The following TENM3 variants were observed in gnomAD, a reference collection of about 807,000 sequenced individuals.
TENM3 encodes teneurin-3.
In TENM3, 63 loss-of-function variants were observed where a neutral mutation model predicts 255.1. The observed-to-expected ratio is 0.25, with a 90% confidence interval of 0.20 to 0.30. The LOEUF (loss-of-function observed/expected upper bound fraction) is 0.30, where lower values mean the gene tolerates loss of function less well. TENM3 is among the 10% of genes least tolerant of loss of function. TENM3 has a pLI of 1.00. For synonymous variants in TENM3, 1,306 were observed against 1,322.3 expected, an observed-to-expected ratio of 0.99 and a Z score of 0.27; for missense variants, 2,929 against 3,461.1, an observed-to-expected ratio of 0.85 and a Z score of 3.86.
chr4:182,174,389 C>CA (rs34627421), intron 1 of TENM3, among the ~76,000 whole-genome samples: 7,020 of 110,352 alleles, frequency 0.064, 213 homozygotes, highest in Non-Finnish European at 0.084. Context: ...TATGTGGCTG[C>CA]AAAAAAAAAA....
At chr4:181,627,323 AGT>A in the TENM3 span, among the ~76,000 whole-genome samples, 4 of 152,128 alleles carry the variant, frequency 2.6e-5, no homozygotes, top group Admixed American at 6.6e-5. Flanking sequence ...AAGGGAAGTA[AGT>A]GTGCACACAT....
chr4:181,569,430 A>C, the TENM3 span, among the ~76,000 whole-genome samples: 1 of 152,200 alleles, frequency 6.6e-6, no homozygotes, highest in Admixed American at 6.5e-5. Flanking sequence ...TTTTATTTCC[A>C]TAAGTGGATA....
chr4:182,750,521 A>T (rs1762295494), intron 19 of TENM3, among the ~76,000 whole-genome samples: 1 of 152,248 alleles, frequency 6.6e-6, no homozygotes, highest in African/African-American at 2.4e-5. Flanking sequence ...ACAGCTATTC[A>T]GCACTTAGAC....
At chr4:182,409,730 C>A (rs962704011) in intron 3 of TENM3, among the ~76,000 whole-genome samples, 4 of 152,144 alleles carry the variant, frequency 2.6e-5, no homozygotes, top group Non-Finnish European at 5.9e-5. Context: ...TTATGATCTG[C>A]AATTAATAGA....
intron 1 of TENM3, among the ~76,000 whole-genome samples, chr4:182,153,396 CAA>C (rs1435914236): frequency 6.6e-6 from 1 of 151,980 alleles, no homozygotes; most frequent in Non-Finnish European, 1.5e-5. Flanking sequence ...ATTTGCAAAA[CAA>C]GTGTCAGGTT....
At chr4:182,539,916 T>C (rs1246953653) in intron 3 of TENM3, among the ~76,000 whole-genome samples, 1 of 152,218 alleles carries the variant, frequency 6.6e-6, no homozygotes, top group Non-Finnish European at 1.5e-5. Context: ...AGAAGCTGAC[T>C]GTAGAGTGTG....
intron 3 of TENM3, among the ~76,000 whole-genome samples, chr4:182,486,491 A>G (rs779000258): frequency 1.6e-4 from 24 of 152,176 alleles, no homozygotes; most frequent in Non-Finnish European, 2.8e-4. Context: ...ATAGCTGCCA[A>G]TCACTGACAC....
intron 1 of TENM3, among the ~76,000 whole-genome samples, chr4:182,284,005 A>G (rs971602810): frequency 3.3e-5 from 5 of 152,226 alleles, no homozygotes; most frequent in Non-Finnish European, 5.9e-5. Flanking sequence ...ACTTTGTGGT[A>G]TAATTTTTCT....
chr4:182,098,292 A>C, the TENM3 span, among the ~76,000 whole-genome samples: 1 of 152,188 alleles, frequency 6.6e-6, no homozygotes, highest in South Asian at 2.1e-4. Flanking sequence ...TCAAAAATCT[A>C]AACATAGAAT....
chr4:181,553,649 G>T, the TENM3 span, among the ~76,000 whole-genome samples: 385 of 152,112 alleles, frequency 2.5e-3, 5 homozygotes, highest in African/African-American at 8.5e-3. Flanking sequence ...CACCGTGTTA[G>T]CCAGGATGGT....
At chr4:181,507,281 A>T in the TENM3 span, among the ~76,000 whole-genome samples, 1 of 152,216 alleles carries the variant, frequency 6.6e-6, no homozygotes, top group South Asian at 2.1e-4. Flanking sequence ...CAATTCTCAA[A>T]AAGCCTTCAG....
the TENM3 span, among the ~76,000 whole-genome samples, chr4:181,620,405 G>A: frequency 3.9e-5 from 6 of 152,092 alleles, no homozygotes; most frequent in African/African-American, 4.8e-5. Flanking sequence ...GAACTGGCAC[G>A]CACAAAAGGT....
chr4:182,563,278 A>G (rs1434214669), intron 3 of TENM3, among the ~76,000 whole-genome samples: 5 of 152,052 alleles, frequency 3.3e-5, no homozygotes, highest in Non-Finnish European at 7.4e-5. Context: ...AAAAATACAA[A>G]AATTAGCCAG....
chr4:181,783,033 A>C, the TENM3 span, among the ~76,000 whole-genome samples: 1 of 152,160 alleles, frequency 6.6e-6, no homozygotes, highest in Non-Finnish European at 1.5e-5. Flanking sequence ...GGAGTGCTTT[A>C]CTTCCACCTA....
intron 23 of TENM3, 157 bp downstream of exon 23, chr4:182,773,804 T>C: frequency 1.7e-6 from 1 of 577,938 alleles, no homozygotes; most frequent in Non-Finnish European, 2.9e-6. Context: ...AATATTTATT[T>C]ACTTGTATAG....
At chr4:182,692,141 G>A (rs1757054999) in intron 12 of TENM3, among the ~76,000 whole-genome samples, 1 of 152,224 alleles carries the variant, frequency 6.6e-6, no homozygotes, top group African/African-American at 2.4e-5. Flanking sequence ...TCATCTGAGA[G>A]TTGAGGTAGG....
intron 24 of TENM3, among the ~76,000 whole-genome samples, chr4:182,778,445 G>A (rs115988570): frequency 8.7e-4 from 133 of 152,254 alleles, no homozygotes; most frequent in African/African-American, 3.2e-3. Flanking sequence ...AATGCACTTG[G>A]CACCTGCTGA....
intron 4 of TENM3, among the ~76,000 whole-genome samples, chr4:182,626,327 G>A (rs936866078): frequency 7.9e-5 from 12 of 152,102 alleles, no homozygotes; most frequent in African/African-American, 2.7e-4. Flanking sequence ...TTTTGAATTG[G>A]CATTTAAAAT....
intron 3 of TENM3, among the ~76,000 whole-genome samples, chr4:182,558,253 T>G (rs1742774628): frequency 6.6e-6 from 1 of 152,198 alleles, no homozygotes; most frequent in South Asian, 2.1e-4. Flanking sequence ...TTTGGTTCTT[T>G]GAATGTGCAC....
Sources: allele counts gnomAD v4.1 joint callset (sites outside exome capture counted in the v4.1 genomes callset), GRCh38; gene constraint gnomAD v4.1.1; transcripts MANE v1.5; gene names NCBI Gene and HGNC (gene_info 2026-07-23, HGNC 2026-07-21).